The following LRP2 variants were observed in gnomAD, a reference collection of about 807,000 sequenced individuals.
The protein encoded by LRP2 is low-density lipoprotein receptor-related protein 2.
Under a neutral mutation model 531.0 loss-of-function variants are expected in LRP2, and 172 were observed. The ratio of observed to expected loss-of-function variants is 0.32; its 90% CI spans 0.29 to 0.37. LRP2 has a LOEUF of 0.37. LRP2 is among the 10% of genes least tolerant of loss of function. The pLI, the probability that LRP2 is intolerant of heterozygous loss-of-function variation, is 1.00. For missense variants in LRP2, 5,167 were observed against 5,868.3 expected, an observed-to-expected ratio of 0.88 and a Z score of 3.90; for synonymous variants, 1,992 against 2,027.6, an observed-to-expected ratio of 0.98 and a Z score of 0.47.
At chr2:169,281,239 T>A (rs1683694853) in intron 10 of LRP2, among the ~76,000 whole-genome samples, 1 of 152,052 alleles carries the variant, frequency 6.6e-6, no homozygotes, top group Admixed American at 6.5e-5. Context: ...CTGGCCAACA[T>A]GGGGAAACCC....
chr2:169,310,546 G>A (rs536773074), intron 3 of LRP2, among the ~76,000 whole-genome samples: 1 of 152,338 alleles, frequency 6.6e-6, no homozygotes, highest in Non-Finnish European at 1.5e-5. Flanking sequence ...TCCCAGGGAT[G>A]AAACCAACTT....
chr2:169,129,111 C>T lies in LRP2; in HGVS notation c.13729-27G>A. ...TAAATGAAAAGGGGAAAACAAAAAC[C>T]TCTCAGTAATGGAATTATTTTGTGG... On this transcript the variant is annotated intron_variant, in intron 77 of 78. Transcript: ENST00000649046. The T allele has an allele frequency of 2.1e-6, 3 of 1,441,728 alleles. No homozygotes were observed. In the African/African-American group the frequency reaches 4.2e-5, roughly 20 times the overall value. 89.3% of individuals were successfully genotyped at this position (1,441,728 alleles called of 1,614,324 possible).
chr2:169,136,943 C>T (rs1558971212), intron 76 of LRP2, among the ~76,000 whole-genome samples: 1 of 152,222 alleles, frequency 6.6e-6, no homozygotes, highest in Non-Finnish European at 1.5e-5. Flanking sequence ...TTTAATCCAC[C>T]TCAAACCACA....
intron 34 of LRP2, among the ~76,000 whole-genome samples, chr2:169,217,650 G>A (rs569211525): frequency 8.6e-5 from 13 of 151,442 alleles, no homozygotes; most frequent in East Asian, 5.8e-4. Flanking sequence ...CAAAACTTTC[G>A]TGAATTCTGA....
chr2:169,280,623 G>A (rs1683678718), intron 10 of LRP2, 104 bp from the exon 11 acceptor site: 1 of 1,157,772 alleles, frequency 8.6e-7, no homozygotes, highest in Admixed American at 2.0e-5. Context: ...CTATCTTCTA[G>A]GTTGTCTTAC....
intron 1 of LRP2, among the ~76,000 whole-genome samples, chr2:169,332,806 A>T (rs1015666354): frequency 1.3e-5 from 2 of 152,198 alleles, no homozygotes; most frequent in African/African-American, 4.8e-5. Context: ...AACATCAATA[A>T]GCAACTCTGA....
At chr2:169,340,288 G>A (rs1685529952) in intron 1 of LRP2, among the ~76,000 whole-genome samples, 2 of 152,068 alleles carry the variant, frequency 1.3e-5, no homozygotes, top group Non-Finnish European at 2.9e-5. Context: ...CCCAAAATGT[G>A]GTATTCAAAG....
chr2:169,315,518 A>G (rs1033301651), intron 3 of LRP2, among the ~76,000 whole-genome samples: 6 of 152,220 alleles, frequency 3.9e-5, no homozygotes, highest in Admixed American at 2.0e-4. Flanking sequence ...GCACGGAGAC[A>G]AAAGGCTAGG....
At chr2:169,178,304 C>T (rs1422771262) in intron 52 of LRP2, among the ~76,000 whole-genome samples, 1 of 152,230 alleles carries the variant, frequency 6.6e-6, no homozygotes, top group East Asian at 1.9e-4. Context: ...CAGCTGCTTT[C>T]CTGCGGATGA....
chr2:169,330,197 G>A (rs1023716329), intron 1 of LRP2, among the ~76,000 whole-genome samples: 5 of 152,144 alleles, frequency 3.3e-5, no homozygotes, highest in Non-Finnish European at 7.3e-5. Context: ...ACATCCTAGT[G>A]ACCAGCCCCC....
At chr2:169,261,501 G>C (rs1231938763) in intron 16 of LRP2, among the ~76,000 whole-genome samples, 1 of 146,470 alleles carries the variant, frequency 6.8e-6, no homozygotes, top group Non-Finnish European at 1.5e-5. Flanking sequence ...CTCATTTCCT[G>C]CATATACTGT....
intron 3 of LRP2, among the ~76,000 whole-genome samples, chr2:169,314,555 C>G (rs1211575121): frequency 1.3e-5 from 2 of 152,166 alleles, no homozygotes; most frequent in Non-Finnish European, 2.9e-5. Flanking sequence ...ACACCCTTCT[C>G]CATGCTTAAT....
rs1686194967 is a variant in LRP2, at chr2:169,362,435, C to CG, written c.-37dup. On this transcript the variant is annotated 5_prime_UTR_variant, in exon 1 of 79. Transcript: ENST00000649046. Reference sequence around the variant, plus strand: ...GTCCCCGGCCTCGCCGTTCCTTCCCCGGGAGGTGGGCGCGCGTAGCACACC... The same window carrying CG: ...GTCCCCGGCCTCGCCGTTCCTTCCCCGGGGAGGTGGGCGCGCGTAGCACACC... 6.5e-6 allele frequency: 10 copies of CG among 1,533,266 alleles called. No homozygotes were observed. The highest frequency in any genetic ancestry group is 8.8e-6 in the Non-Finnish European group (10 of 1,138,076). The allele number at this position is 1,533,266 out of a possible 1,614,324, so 95.0% of individuals were successfully genotyped here.
intron 1 of LRP2, among the ~76,000 whole-genome samples, chr2:169,349,202 C>T (rs902806070): frequency 1.3e-5 from 2 of 151,874 alleles, no homozygotes; most frequent in East Asian, 3.9e-4. Flanking sequence ...TGGTGGTAAG[C>T]GCAATGGAGA....
At chr2:169,344,464 A>G (rs1263988817) in intron 1 of LRP2, among the ~76,000 whole-genome samples, 2 of 152,206 alleles carry the variant, frequency 1.3e-5, no homozygotes, top group Non-Finnish European at 2.9e-5. Context: ...AGAATTTTCA[A>G]TTATAAAGAT....
At position 169,254,279 on chromosome 2, in the gene LRP2, G is replaced by A. The variant is rs1292994844; in HGVS notation, c.2770+1827C>T. Among the ~76,000 whole-genome samples the A allele has an allele frequency of 4.0e-4, 32 of 81,002 alleles. 5 individuals are homozygous for A. The highest frequency in any genetic ancestry group is 7.3e-4 in the African/African-American group (11 of 15,150). The allele number at this position is 81,002 out of a possible 152,430, so 53.1% of individuals were successfully genotyped here. A position where few individuals can be genotyped will look rare whatever the true frequency, so the allele number is the denominator to read the frequency against. On this transcript the variant is annotated intron_variant, in intron 19 of 78. Transcript: ENST00000649046. ...CAATGATAGACTGGATTAAGAAAAC[G>A]TGGCACATATACACCATGGAATACT...
intron 8 of LRP2, among the ~76,000 whole-genome samples, chr2:169,290,296 T>TTGC (rs1683967679): frequency 9.8e-6 from 1 of 102,164 alleles, no homozygotes; most frequent in African/African-American, 3.7e-5. Flanking sequence ...TTTTTTTTAG[T>TTGC]ACAGCCAGAC....
chr2:169,199,044 G>T, intron 44 of LRP2, 133 bp from the exon 45 acceptor site: 1 of 846,370 alleles, frequency 1.2e-6, no homozygotes, highest in Non-Finnish European at 1.9e-6. Flanking sequence ...CATCAGAAAG[G>T]CAGGATCCAT....
intron 1 of LRP2, among the ~76,000 whole-genome samples, chr2:169,326,747 C>T (rs1316354891): frequency 6.7e-6 from 1 of 149,842 alleles, no homozygotes; most frequent in Non-Finnish European, 1.5e-5. Flanking sequence ...CTCTGCCCGG[C>T]CGCCATCCCA....
Sources: gnomAD v4.1 joint callset for allele counts (sites outside exome capture counted in the v4.1 genomes callset) on GRCh38, gnomAD v4.1.1 for gene constraint, MANE v1.5 for transcripts, NCBI Gene and HGNC (gene_info 2026-07-23, HGNC 2026-07-21) for gene names.